VPS8: variants seen among roughly 807,000 people sequenced by gnomAD.
VPS8 encodes the protein VPS8 subunit of CORVET complex.
A neutral mutation model predicts 216.4 loss-of-function variants in VPS8; 129 were observed. That is an observed-to-expected ratio of 0.60 (90% CI 0.52 to 0.69). The LOEUF is 0.69. Ranked by LOEUF, VPS8 falls within the 30% of genes least tolerant of loss-of-function variation. The probability of loss-of-function intolerance (pLI) is 0.00; values close to 1 mark genes in which losing one functional copy is unlikely to be tolerated. For synonymous variants in VPS8, 571 were observed against 565.4 expected, an observed-to-expected ratio of 1.01 and a Z score of -0.14; for missense variants, 1,531 against 1,683.5, an observed-to-expected ratio of 0.91 and a Z score of 1.59.
intron 45 of VPS8, among the ~76,000 whole-genome samples, chr3:185,007,072 T>C (rs1185647447): frequency 1.3e-5 from 2 of 152,256 alleles, no homozygotes; most frequent in African/African-American, 4.8e-5. Context: ...GTTACATAGA[T>C]GTGTTGGGAG....
intron 25 of VPS8, among the ~76,000 whole-genome samples, chr3:184,908,815 C>T (rs1006922784): frequency 5.3e-5 from 8 of 152,182 alleles, no homozygotes; most frequent in Admixed American, 1.3e-4. Context: ...TCCCACTACC[C>T]GAAGGCGGGC....
intron 23 of VPS8, among the ~76,000 whole-genome samples, 170 bp from the exon 24 acceptor site, chr3:184,898,395 C>T (rs953272338): frequency 6.6e-6 from 1 of 152,204 alleles, no homozygotes; most frequent in African/African-American, 2.4e-5. Flanking sequence ...ATTTCACCTA[C>T]AGCAGCTCTT....
chr3:184,990,058 G>A (rs1268504733), intron 42 of VPS8, among the ~76,000 whole-genome samples: 1 of 152,004 alleles, frequency 6.6e-6, no homozygotes, highest in East Asian at 1.9e-4. Flanking sequence ...GGGCGACAGA[G>A]CAAGACTGTC....
chr3:184,992,349 C>G (rs1307891569), intron 42 of VPS8, among the ~76,000 whole-genome samples: 2 of 152,096 alleles, frequency 1.3e-5, no homozygotes, highest in Non-Finnish European at 2.9e-5. Context: ...CATTTACTTA[C>G]CTATGTTAGA....
intron 25 of VPS8, chr3:184,901,189 G>C: frequency 2.0e-6 from 1 of 499,288 alleles, no homozygotes; most frequent in Non-Finnish European, 3.5e-6. Flanking sequence ...CCACAGCCCT[G>C]CTCTGGGCAG....
In VPS8 at chr3:184,862,980, G is replaced by C. The variant is rs1322447574; in HGVS notation, c.1308G>C (p.Glu436Asp). The change falls in exon 16 of 48, where the codon GAG becomes GAC. Residue 436 changes from glutamate (E) to aspartate (D), a missense_variant. Transcript: ENST00000625842. Reference protein sequence around the residue: ...VIDRQTQEELETVEISEVQLV... With the variant: ...VIDRQTQEELDTVEISEVQLV... ...ATCGGCAAACACAAGAGGAATTGGAGACAGTGGAGATCTCAGAAGTTCAGC... is the reference window on the plus strand; with the variant it reads ...ATCGGCAAACACAAGAGGAATTGGACACAGTGGAGATCTCAGAAGTTCAGC... 1.2e-6 allele frequency: 2 copies of C among 1,613,944 alleles called. No homozygotes were observed. The highest frequency in any genetic ancestry group is 1.7e-6 in the Non-Finnish European group (2 of 1,179,848).
chr3:185,045,980 G>GT (rs1238086276), intron 46 of VPS8, among the ~76,000 whole-genome samples: 1 of 152,156 alleles, frequency 6.6e-6, no homozygotes, highest in East Asian at 1.9e-4. Flanking sequence ...TTAATGCTGA[G>GT]TACTACAAGG....
At chr3:184,913,763 G>C (rs916176385) in intron 26 of VPS8, among the ~76,000 whole-genome samples, 1 of 152,120 alleles carries the variant, frequency 6.6e-6, no homozygotes, top group African/African-American at 2.4e-5. Flanking sequence ...ATTTTTGGTT[G>C]TTATAACTGG....
intron 28 of VPS8, among the ~76,000 whole-genome samples, chr3:184,916,215 G>T (rs1004559995): frequency 1.3e-5 from 2 of 152,196 alleles, no homozygotes; most frequent in African/African-American, 4.8e-5. Context: ...AATTAGAGAT[G>T]AACATGTACA....
chr3:184,939,205 T>G (rs1479534708), intron 35 of VPS8, among the ~76,000 whole-genome samples: 1 of 152,138 alleles, frequency 6.6e-6, no homozygotes, highest in Admixed American at 6.5e-5. Flanking sequence ...GTTTTCAGAA[T>G]TCTTAAAATG....
intron 21 of VPS8, among the ~76,000 whole-genome samples, chr3:184,872,958 T>A (rs531455990): frequency 2.6e-5 from 4 of 152,240 alleles, no homozygotes; most frequent in South Asian, 2.1e-4. Context: ...TAACTAAAGA[T>A]ACATACCAGA....
chr3:184,877,185 C>G (rs1729422308), intron 21 of VPS8, among the ~76,000 whole-genome samples: 1 of 152,162 alleles, frequency 6.6e-6, no homozygotes, highest in Non-Finnish European at 1.5e-5. Flanking sequence ...TTTCAGGTCT[C>G]AGTGTAATTG....
chr3:185,010,053 A>ATAAT (rs1157681300), intron 45 of VPS8, among the ~76,000 whole-genome samples: 4 of 151,868 alleles, frequency 2.6e-5, no homozygotes, highest in Non-Finnish European at 2.9e-5. Context: ...AGACTCACAA[A>ATAAT]GAGCCAGAAA....
intron 36 of VPS8, among the ~76,000 whole-genome samples, chr3:184,953,086 G>A (rs960664570): frequency 6.6e-6 from 1 of 152,090 alleles, no homozygotes; most frequent in African/African-American, 2.4e-5. Flanking sequence ...TTTAAGATGG[G>A]GTCTGTTACC....
intron 36 of VPS8, among the ~76,000 whole-genome samples, chr3:184,956,897 T>C (rs185868060): frequency 6.6e-6 from 1 of 152,214 alleles, no homozygotes; most frequent in East Asian, 1.9e-4. Context: ...AGAAGATACC[T>C]GGTACCTACC....
intron 25 of VPS8, among the ~76,000 whole-genome samples, chr3:184,906,027 A>G (rs1291337029): frequency 1.3e-5 from 2 of 152,114 alleles, no homozygotes; most frequent in Non-Finnish European, 2.9e-5. Context: ...TCAGCTTTTC[A>G]GGTAGAAGCT....
At chr3:185,014,303 G>C (rs940069405) in intron 45 of VPS8, among the ~76,000 whole-genome samples, 1 of 152,054 alleles carries the variant, frequency 6.6e-6, no homozygotes, top group African/African-American at 2.4e-5. Context: ...TGTGTTCGAC[G>C]GGTGTTGCTC....
At chr3:185,042,227 T>C (rs1397511166) in intron 46 of VPS8, among the ~76,000 whole-genome samples, 1 of 152,238 alleles carries the variant, frequency 6.6e-6, no homozygotes, top group Non-Finnish European at 1.5e-5. Flanking sequence ...TTGTGTTGTC[T>C]TCCTTTAGAG....
chr3:184,924,759 A>G (rs1365704334), intron 29 of VPS8, 103 bp from the exon 30 acceptor site: 2 of 1,380,396 alleles, frequency 1.4e-6, no homozygotes, highest in Non-Finnish European at 1.9e-6. Flanking sequence ...GAATCTTTTT[A>G]CGCGTCTTCA....
Sources: allele counts gnomAD v4.1 joint callset (sites outside exome capture counted in the v4.1 genomes callset), GRCh38; gene constraint gnomAD v4.1.1; transcripts MANE v1.5; gene names NCBI Gene and HGNC (gene_info 2026-07-23, HGNC 2026-07-21).